NHSL2: variants seen among roughly 807,000 people sequenced by gnomAD.
The protein encoded by NHSL2 is NHS like 2, also known as NHS-like protein 2.
A neutral mutation model predicts 53.4 loss-of-function variants in NHSL2; 27 were observed. The observed-to-expected ratio is 0.51, with a 90% CI of 0.37 to 0.70. The LOEUF (loss-of-function observed/expected upper bound fraction) is 0.70. NHSL2 is among the 30% of genes least tolerant of loss of function. The probability of loss-of-function intolerance (pLI) is 0.00; values close to 1 mark genes in which losing one functional copy is unlikely to be tolerated. For synonymous variants in NHSL2, 408 were observed against 404.1 expected, an observed-to-expected ratio of 1.01 and a Z score of -0.12; for missense variants, 892 against 980.1, an observed-to-expected ratio of 0.91 and a Z score of 1.20.
intron 1 of NHSL2, among the ~76,000 whole-genome samples, chrX:72,091,453 CAAA>C (rs763099839): frequency 3.4e-4 from 34 of 99,816 alleles, no homozygotes; most frequent in African/African-American, 1.2e-3. Flanking sequence ...GACTCCGTCT[CAAA>C]AAAAAAAAAA....
chrX:72,021,697 A>G (rs1033120267), intron 1 of NHSL2, among the ~76,000 whole-genome samples: 3 of 111,671 alleles, frequency 2.7e-5, no homozygotes, highest in Non-Finnish European at 5.6e-5. Context: ...ACTTAAGGTC[A>G]TTCAGGGAGT....
At chrX:72,055,583 A>G (rs956611496) in intron 1 of NHSL2, among the ~76,000 whole-genome samples, 1 of 112,143 alleles carries the variant, frequency 8.9e-6, no homozygotes, top group Non-Finnish European at 1.9e-5. Flanking sequence ...CTATACTTGG[A>G]GAGAACCTAA....
chrX:72,071,949 G>A (rs1181496065), intron 1 of NHSL2, among the ~76,000 whole-genome samples: 2 of 112,267 alleles, frequency 1.8e-5, no homozygotes, highest in Non-Finnish European at 3.8e-5. Context: ...CAGGCCTTTG[G>A]TCACTCTCGC....
At chrX:72,137,934 A>T (rs2042373212) in intron 5 of NHSL2, among the ~76,000 whole-genome samples, 1 of 111,811 alleles carries the variant, frequency 8.9e-6, no homozygotes, top group Non-Finnish European at 1.9e-5. Context: ...TCACATCCGT[A>T]GATTATCCTC....
chrX:72,056,545 C>T (rs767370753), intron 1 of NHSL2, among the ~76,000 whole-genome samples: 31 of 107,833 alleles, frequency 2.9e-4, no homozygotes, highest in African/African-American at 1.1e-3. Flanking sequence ...GCTTATTTAA[C>T]GTCTGCGCAC....
At chrX:72,104,277 C>T (rs752492854) in intron 1 of NHSL2, among the ~76,000 whole-genome samples, 58 of 112,611 alleles carry the variant, frequency 5.2e-4, no homozygotes, top group African/African-American at 1.7e-3. Context: ...GTGTTAATAA[C>T]GAAATGCATA....
At chrX:71,981,714 C>A (rs2041979989) in intron 1 of NHSL2, among the ~76,000 whole-genome samples, 1 of 111,497 alleles carries the variant, frequency 9.0e-6, no homozygotes, top group African/African-American at 3.3e-5. Flanking sequence ...CCAACAAGTA[C>A]ATGAAAAGAT....
intron 1 of NHSL2, among the ~76,000 whole-genome samples, chrX:72,067,026 C>G (rs1387918510): frequency 9.0e-6 from 1 of 110,855 alleles, no homozygotes; most frequent in Non-Finnish European, 1.9e-5. Flanking sequence ...TCCTGTAGTC[C>G]CAGCTACTCA....
intron 1 of NHSL2, among the ~76,000 whole-genome samples, chrX:71,939,482 G>T (rs2041755719): frequency 8.9e-6 from 1 of 112,142 alleles, no homozygotes; most frequent in Non-Finnish European, 1.9e-5. Flanking sequence ...GGCACATTTA[G>T]AAGAAAGAAT....
chrX:72,138,736 T>G lies in NHSL2; in HGVS notation c.1188T>G (p.Ala396=). The change falls in exon 6 of 8, where the codon GCT becomes GCG. Residue 396 remains alanine (A), a synonymous_variant. Coordinates refer to ENST00000633930, the MANE Select transcript of NHSL2 (RefSeq NM_001013627.3). ...STFSTSWKGD[A]FTYMTPSATS... ...TCTCCACTTCCTGGAAGGGAGATGC[T>G]TTTACCTACATGACTCCAAGTGCCA... 1 of 1,209,567 alleles carries G rather than the reference T, an allele frequency of 8.3e-7. No homozygotes were observed. Among genetic ancestry groups the G allele is most frequent in the Non-Finnish European group, 1.1e-6 (1 of 893,981 alleles).
chrX:72,110,007 C>T (rs1453930239), intron 1 of NHSL2, among the ~76,000 whole-genome samples: 1 of 111,758 alleles, frequency 8.9e-6, no homozygotes, highest in Non-Finnish European at 1.9e-5. Context: ...CACCCCATTC[C>T]AGTAGGAGAT....
At chrX:72,103,807 G>A (rs188014162) in intron 1 of NHSL2, among the ~76,000 whole-genome samples, 67 of 112,552 alleles carry the variant, frequency 6.0e-4, no homozygotes, top group Non-Finnish European at 1.1e-3. Flanking sequence ...GCAGTGCTCT[G>A]CACAGCTCTT....
chrX:71,962,936 C>T (rs954440683), intron 1 of NHSL2, among the ~76,000 whole-genome samples: 3 of 110,831 alleles, frequency 2.7e-5, no homozygotes, highest in Non-Finnish European at 5.7e-5. Context: ...CCATGCCCAT[C>T]CCCTACTTGC....
intron 1 of NHSL2, among the ~76,000 whole-genome samples, chrX:72,033,547 T>C (rs1314754337): frequency 8.9e-6 from 1 of 112,432 alleles, no homozygotes; most frequent in Non-Finnish European, 1.9e-5. Context: ...GTCTGTCCTT[T>C]ATTTAGGCCT....
chrX:71,968,545 G>C (rs913254229), intron 1 of NHSL2, among the ~76,000 whole-genome samples: 2 of 111,652 alleles, frequency 1.8e-5, no homozygotes, highest in African/African-American at 6.5e-5. Flanking sequence ...CCTTGATTAA[G>C]TTTAACTTGT....
intron 1 of NHSL2, among the ~76,000 whole-genome samples, chrX:72,058,622 C>T (rs1416143016): frequency 8.9e-6 from 1 of 111,900 alleles, no homozygotes; most frequent in Non-Finnish European, 1.9e-5. Context: ...GGATTATAGG[C>T]GTGAGCCACC....
In NHSL2 at chrX:72,137,584, CA is replaced by C. The variant is rs2042368447; in HGVS notation, c.892+360del. On this transcript the variant is annotated intron_variant, in intron 5 of 7. Coordinates refer to ENST00000633930, the MANE Select transcript of NHSL2 (RefSeq NM_001013627.3). ...CCATTAAGTGAATGCTGGCCAGGAGCACAGACCAGGGAGATAGCAGAGGGTA... is the reference window on the plus strand; with the variant it reads ...CCATTAAGTGAATGCTGGCCAGGAGCCAGACCAGGGAGATAGCAGAGGGTA... Among the ~76,000 whole-genome samples the C allele has an allele frequency of 3.6e-5, 4 of 111,819 alleles. No homozygotes were observed. The South Asian group carries it at 1.1e-3, about 32-fold the overall frequency.
chrX:72,014,256 T>C (rs1369449101), intron 1 of NHSL2, among the ~76,000 whole-genome samples: 1 of 111,991 alleles, frequency 8.9e-6, no homozygotes, highest in Non-Finnish European at 1.9e-5. Flanking sequence ...TTCATTGATT[T>C]TCTCTATTTT....
intron 1 of NHSL2, among the ~76,000 whole-genome samples, chrX:72,031,313 C>G (rs1224764895): frequency 9.0e-6 from 1 of 111,486 alleles, no homozygotes; most frequent in Non-Finnish European, 1.9e-5. Context: ...CCTGGTTCCA[C>G]CTCTTCCATG....
Sources: gnomAD v4.1 joint callset for allele counts (sites outside exome capture counted in the v4.1 genomes callset) on GRCh38, gnomAD v4.1.1 for gene constraint, MANE v1.5 for transcripts, NCBI Gene and HGNC (gene_info 2026-07-23, HGNC 2026-07-21) for gene names.